FLT4: variants seen among roughly 807,000 people sequenced by gnomAD.
FLT4 encodes vascular endothelial growth factor receptor 3.
In FLT4, 30 loss-of-function variants were observed where a neutral mutation model predicts 163.2. The observed-to-expected ratio is 0.18, with a 90% confidence interval of 0.14 to 0.25. The LOEUF (loss-of-function observed/expected upper bound fraction) is 0.25, where lower values mean the gene tolerates loss of function less well. Among genes scored for constraint, FLT4 ranks in the 10% least tolerant of loss-of-function variants. The pLI, the probability that FLT4 is intolerant of heterozygous loss-of-function variation, is 1.00. For synonymous variants in FLT4, 884 were observed against 789.5 expected (o/e 1.12, Z -2.01); for missense variants, 1,510 against 1,863.8 (o/e 0.81, Z 3.50).
intron 17 of FLT4, 36 bp from the exon 18 acceptor site, chr5:180,619,805 A>G (rs747989135): frequency 5.3e-6 from 8 of 1,519,740 alleles, no homozygotes; most frequent in South Asian, 3.4e-5. Flanking sequence ...GGTGAGCTGT[A>G]CGGGGTGAGC....
In FLT4 at chr5:180,623,563, G is replaced by T. The variant is rs575772376; in HGVS notation, c.1548+372C>A. On this transcript the variant is annotated intron_variant, in intron 11 of 29. Coordinates refer to ENST00000261937, the MANE Select transcript of FLT4 (RefSeq NM_182925.5). The surrounding 1 kb of genome is among the most constrained non-coding windows in gnomAD (Gnocchi z 5.8). The stretch of plus-strand genomic sequence containing the variant: ...TGCCTTTGTTCAGTACCCCCTTCTC[G>T]GCGTTGCCCCCAGGCTGCGCCAGCG... 6.6e-6 allele frequency among the ~76,000 whole-genome samples: 1 copy of T among 152,116 alleles called. No individual in the cohort carries two copies. Among genetic ancestry groups the T allele is most frequent in the African/African-American group, 2.4e-5 (1 of 41,420 alleles).
rs367883360 is a variant in FLT4, at chr5:180,619,249, G to T, written c.2761+4C>A. Reference sequence around the variant, plus strand: ...GCCGTCCCAGCGGGCCGCCCGCTCCGTACCCTGCGGCTTGGTGCACGCCCC... The same window carrying T: ...GCCGTCCCAGCGGGCCGCCCGCTCCTTACCCTGCGGCTTGGTGCACGCCCC... On this transcript the variant is annotated splice_donor_region_variant and intron_variant, in intron 19 of 29. Transcript: ENST00000261937. 6.2e-7 allele frequency: 1 copy of T among 1,604,462 alleles called. No individual in the cohort carries two copies. The highest frequency in any genetic ancestry group is 8.5e-7 in the Non-Finnish European group (1 of 1,175,776).
chr5:180,622,557 C>A (rs976566090), intron 12 of FLT4, among the ~76,000 whole-genome samples, 174 bp downstream of exon 12: 2 of 152,124 alleles, frequency 1.3e-5, no homozygotes, highest in African/African-American at 4.8e-5. Flanking sequence ...CATCCCAGTG[C>A]GCCAGCACCC....
chr5:180,614,840 C>T (rs1235728400), intron 23 of FLT4, among the ~76,000 whole-genome samples: 1 of 152,174 alleles, frequency 6.6e-6, no homozygotes, highest in Non-Finnish European at 1.5e-5. Flanking sequence ...TCATCAAGAC[C>T]AGGCCCTGGG....
intron 29 of FLT4, among the ~76,000 whole-genome samples, chr5:180,605,424 C>T (rs760138508): frequency 1.3e-5 from 2 of 152,162 alleles, no homozygotes; most frequent in Non-Finnish European, 2.9e-5. Flanking sequence ...GAGCATTTTG[C>T]TCGTTTTCCT....
intron 28 of FLT4, chr5:180,609,694 G>A (rs1234938984): frequency 5.1e-6 from 3 of 582,856 alleles, no homozygotes; most frequent in South Asian, 3.7e-5. Flanking sequence ...GAGGCCTCGT[G>A]TGGGGGTGAC....
rs570229742 is a variant in FLT4, at chr5:180,625,940, C to T, written c.1350G>A (p.Val450=). The change falls in exon 10 of 30, where the codon GTG becomes GTA. Residue 450 remains valine, a synonymous_variant. Transcript: ENST00000261937. ...GCCACTGGATGCTGAGAGGCAGGGG[C>T]ACCCCGTAGGCCGTGCAGGTGAGGG... ...RQALTCTAYG[V]PLPLSIQWHW... The T allele has an allele frequency of 5.0e-6, 8 of 1,612,564 alleles. No homozygotes were observed. Among genetic ancestry groups the T allele is most frequent in the Non-Finnish European group, 6.8e-6 (8 of 1,179,958 alleles).
At chr5:180,639,124 T>C (rs1329398905) in intron 1 of FLT4, among the ~76,000 whole-genome samples, 2 of 148,780 alleles carry the variant, frequency 1.3e-5, no homozygotes, top group Non-Finnish European at 3.0e-5. Context: ...AATGGATGGA[T>C]GGATGCATGG....
rs570916844 is a variant in FLT4, at chr5:180,612,639, G to A, written c.3432-28C>T. The stretch of plus-strand genomic sequence containing the variant: ...GCAGGATCACGTGGGCTGCTGGACT[G>A]CATGCACCCCACCCCCGTCCCAGGA... On this transcript the variant is annotated intron_variant, in intron 25 of 29. Transcript: ENST00000261937. 1.7e-3 allele frequency: 2,681 copies of A among 1,535,714 alleles called. 58 individuals carry two copies. The South Asian group carries it at 0.028, about 16-fold the overall frequency.
intron 29 of FLT4, among the ~76,000 whole-genome samples, chr5:180,606,063 C>T (rs561619994): frequency 3.9e-5 from 6 of 152,334 alleles, no homozygotes; most frequent in East Asian, 3.9e-4. Flanking sequence ...GTATGCCAAG[C>T]GGATGCACCC....
chr5:180,644,401 G>T (rs1368017593), intron 1 of FLT4, among the ~76,000 whole-genome samples: 1 of 152,226 alleles, frequency 6.6e-6, no homozygotes, highest in African/African-American at 2.4e-5. Context: ...GGACAGCAAA[G>T]TAAAAATGGC....
rs2127815224 is a variant in FLT4 at position 180,621,227 on chromosome 5, C to T, written c.2046G>A (p.Gln682=). 1.2e-6 allele frequency: 2 copies of T among 1,612,602 alleles called. No individual in the cohort carries two copies. Among genetic ancestry groups the T allele is most frequent in the Non-Finnish European group, 1.7e-6 (2 of 1,179,814 alleles). ...CGTTCACCAGGAGGTCGGTCAAGTT[C>T]TGCGTGAGCCGAGGGGCTTCCAGGG... ...VQALEAPRLT[Q]NLTDLLVNVS... is the part of the protein sequence containing the mutation. The change falls in exon 14 of 30, where the codon CAG becomes CAA. Residue 682 remains glutamine, a synonymous_variant. Transcript: ENST00000261937.
intron 26 of FLT4, 72 bp from the exon 27 acceptor site, chr5:180,611,551 A>T (rs1205651882): frequency 4.8e-6 from 7 of 1,467,726 alleles, no homozygotes; most frequent in Admixed American, 2.0e-5. Flanking sequence ...CCCCACCCTC[A>T]GCCCTCACCC....
At chr5:180,631,876 T>C (rs1764195749) in intron 1 of FLT4, 98 bp from the exon 2 acceptor site, 5 of 844,830 alleles carry the variant, frequency 5.9e-6, no homozygotes, top group South Asian at 5.6e-5. Context: ...CGCAGACCCC[T>C]GCAGGGCCGG....
intron 29 of FLT4, among the ~76,000 whole-genome samples, chr5:180,605,739 T>C (rs1022556955): frequency 2.0e-5 from 3 of 152,204 alleles, no homozygotes; most frequent in Non-Finnish European, 2.9e-5. Flanking sequence ...GCTAGTCTCT[T>C]ACCCAGAAGA....
intron 28 of FLT4, chr5:180,609,265 C>T: frequency 3.2e-6 from 2 of 615,456 alleles, no homozygotes; most frequent in Non-Finnish European, 5.9e-6. Flanking sequence ...GTCAGGGGGG[C>T]TGTGTGTGGC....
intron 29 of FLT4, among the ~76,000 whole-genome samples, chr5:180,604,566 G>A (rs966362294): frequency 6.6e-6 from 1 of 152,090 alleles, no homozygotes; most frequent in East Asian, 1.9e-4. Flanking sequence ...ACGGCTTCCC[G>A]TCACTCCACG....
intron 29 of FLT4, among the ~76,000 whole-genome samples, chr5:180,604,538 C>T (rs1287913424): frequency 6.6e-6 from 1 of 152,190 alleles, no homozygotes; most frequent in Non-Finnish European, 1.5e-5. Context: ...TGTCATTCTC[C>T]TCCTGACACG....
rs561103056 is a variant in FLT4, at chr5:180,624,172, G to A, written c.1422-111C>T. The A allele has an allele frequency of 8.8e-5, 116 of 1,323,662 alleles. 1 individual carries two copies. Among genetic ancestry groups the A allele is most frequent in the Middle Eastern group, 4.1e-4 (2 of 4,828 alleles). 82.0% of individuals were successfully genotyped at this position (1,323,662 alleles called of 1,614,324 possible). A position where few individuals can be genotyped will look rare whatever the true frequency, so the allele number is the denominator to read the frequency against. On this transcript the variant is annotated intron_variant, in intron 10 of 29. Transcript: ENST00000261937. ...TCCAGTCACCTTCTCATATGGGGTCGTGGGCGAGGCTGGCCCTCGGGCCTG... is the reference window on the plus strand; with the variant it reads ...TCCAGTCACCTTCTCATATGGGGTCATGGGCGAGGCTGGCCCTCGGGCCTG...
Sources: gnomAD v4.1 joint callset for allele counts (sites outside exome capture counted in the v4.1 genomes callset) on GRCh38, gnomAD v4.1.1 for gene constraint, Gnocchi (gnomAD v3.1) non-coding constraint, MANE v1.5 for transcripts, NCBI Gene and HGNC (gene_info 2026-07-23, HGNC 2026-07-21) for gene names.